Variants in SFMBT2 observed in about 807,000 individuals in gnomAD.
The protein encoded by SFMBT2 is scm-like with four MBT domains protein 2.
In SFMBT2, 38 loss-of-function variants were observed where a neutral mutation model predicts 110.1. That is an observed-to-expected ratio of 0.35 (90% CI 0.27 to 0.45). SFMBT2 has a LOEUF of 0.45. Ranked by LOEUF, SFMBT2 falls within the 20% of genes least tolerant of loss-of-function variation. The pLI is 1.00. For synonymous variants in SFMBT2, 425 were observed against 425.4 expected, an observed-to-expected ratio of 1.00 and a Z score of 0.01; for missense variants, 1,011 against 1,094.9, an observed-to-expected ratio of 0.92 and a Z score of 1.08.
At chr10:7,220,791 TCATTCTC>T (rs1839702496) in intron 10 of SFMBT2, among the ~76,000 whole-genome samples, 1 of 151,502 alleles carries the variant, frequency 6.6e-6, no homozygotes, top group African/African-American at 2.4e-5. Flanking sequence ...GAGTATGAAT[TCATTCTC>T]TTTCCAGTTC....
rs201719165 is a variant in SFMBT2, at chr10:7,368,195, CAACT to C, written c.196-310_196-307del. 3.0e-3 allele frequency: 1,183 copies of C among 392,180 alleles called. 22 individuals are homozygous for C. The highest frequency in any genetic ancestry group is 0.024 in the African/African-American group (1,098 of 45,976). The allele number at this position is 392,180 out of a possible 1,614,324, so 24.3% of individuals were successfully genotyped here. A position where few individuals can be genotyped will look rare whatever the true frequency, so the allele number is the denominator to read the frequency against. ...ATATAAAAAACATTAATGAAACAAC[CAACT>C]GTCTTCTTTTTGAATAAAGCCTCTA... is the stretch of plus-strand genomic sequence containing the variant. On this transcript the variant is annotated intron_variant, in intron 3 of 20. Transcript: ENST00000397167.
At chr10:7,200,356 C>T in intron 14 of SFMBT2, 58 bp downstream of exon 14, 1 of 1,353,140 alleles carries the variant, frequency 7.4e-7, no homozygotes, top group Non-Finnish European at 9.9e-7. Context: ...CTATACATGT[C>T]TCTGCTCCCG....
intron 12 of SFMBT2, chr10:7,203,969 G>A (rs35203021): frequency 0.039 from 7,484 of 193,876 alleles, 198 homozygotes; most frequent in Middle Eastern, 0.057. Flanking sequence ...CACCCGCCTC[G>A]GCCTCCCAAA....
chr10:7,394,004 T>C (rs1845852090), intron 1 of SFMBT2, among the ~76,000 whole-genome samples: 1 of 152,124 alleles, frequency 6.6e-6, no homozygotes, highest in African/African-American at 2.4e-5. Context: ...TATTGTGATT[T>C]TTTTTTTCTT....
In SFMBT2 at chr10:7,182,466, C is replaced by G. The variant is rs1289903788; in HGVS notation, c.1808+6158G>C. On this transcript the variant is annotated intron_variant, in intron 16 of 20. Coordinates refer to ENST00000397167, the MANE Select transcript of SFMBT2 (RefSeq NM_001387889.1). ...AGGGAGGATGTGTGAAAAGAACAAC[C>G]CAAATGTCCAACAATGATAGACTGG... is the stretch of plus-strand genomic sequence containing the variant. Among the ~76,000 whole-genome samples the G allele has an allele frequency of 3.3e-5, 5 of 152,094 alleles. No homozygotes were observed. In the East Asian group the frequency reaches 9.7e-4, roughly 29 times the overall value.
At chr10:7,214,839 T>C in intron 11 of SFMBT2, 1 of 833,176 alleles carries the variant, frequency 1.2e-6, no homozygotes, top group Non-Finnish European at 1.4e-6. Flanking sequence ...TCCATGCCTG[T>C]TTTAATTTAT....
intron 16 of SFMBT2, among the ~76,000 whole-genome samples, chr10:7,182,651 G>A (rs1020123497): frequency 1.5e-4 from 22 of 149,224 alleles, no homozygotes; most frequent in Non-Finnish European, 2.5e-4. Flanking sequence ...CTCACTCATA[G>A]GTGGGAATTG....
intron 1 of SFMBT2, among the ~76,000 whole-genome samples, chr10:7,383,151 C>T (rs978499869): frequency 2.6e-5 from 4 of 152,160 alleles, no homozygotes; most frequent in African/African-American, 9.7e-5. Flanking sequence ...TATTTTGTGA[C>T]TCACATAGTG....
chr10:7,378,140 GTGTA>G (rs1845304320), intron 2 of SFMBT2, among the ~76,000 whole-genome samples: 1 of 148,186 alleles, frequency 6.7e-6, no homozygotes, highest in African/African-American at 2.6e-5. Flanking sequence ...GTGGGTGTGA[GTGTA>G]TGGATGGGTG....
chr10:7,281,163 T>C (rs2131835262), intron 6 of SFMBT2, among the ~76,000 whole-genome samples: 1 of 152,272 alleles, frequency 6.6e-6, no homozygotes, highest in Admixed American at 6.5e-5. Context: ...GGAAGATCAC[T>C]TGAACCTGGG....
At chr10:7,395,641 A>C (rs1200353807) in intron 1 of SFMBT2, among the ~76,000 whole-genome samples, 1 of 148,340 alleles carries the variant, frequency 6.7e-6, no homozygotes, top group Admixed American at 6.7e-5. Context: ...CATCTGGGAT[A>C]TTTCCTCAAC....
chr10:7,322,385 G>A (rs1300606914), intron 4 of SFMBT2, among the ~76,000 whole-genome samples: 2 of 152,084 alleles, frequency 1.3e-5, no homozygotes, highest in African/African-American at 4.8e-5. Context: ...CTTCATAACA[G>A]TATGAAAGTG....
chr10:7,240,563 T>G (rs1015036865), intron 9 of SFMBT2, among the ~76,000 whole-genome samples: 1 of 152,230 alleles, frequency 6.6e-6, no homozygotes, highest in African/African-American at 2.4e-5. Flanking sequence ...AATAAAAGTT[T>G]AGCAAAATCC....
intron 2 of SFMBT2, among the ~76,000 whole-genome samples, chr10:7,372,054 G>C (rs562855447): frequency 3.3e-4 from 49 of 150,696 alleles, no homozygotes; most frequent in Non-Finnish European, 5.2e-4. Flanking sequence ...AGCCTCCTGA[G>C]TAGCTGGGAT....
At chr10:7,209,778 G>A (rs2131622329) in intron 11 of SFMBT2, among the ~76,000 whole-genome samples, 1 of 152,378 alleles carries the variant, frequency 6.6e-6, no homozygotes, top group East Asian at 1.9e-4. Context: ...CGGGGCACAG[G>A]AGTGGAGGGA....
At chr10:7,342,829 C>A (rs1280231699) in intron 4 of SFMBT2, among the ~76,000 whole-genome samples, 1 of 152,212 alleles carries the variant, frequency 6.6e-6, no homozygotes, top group Non-Finnish European at 1.5e-5. Flanking sequence ...TGAGCCAAAA[C>A]ATAAACCACT....
intron 4 of SFMBT2, among the ~76,000 whole-genome samples, chr10:7,350,484 G>C (rs1024781198): frequency 6.6e-6 from 1 of 152,186 alleles, no homozygotes; most frequent in East Asian, 1.9e-4. Flanking sequence ...CCACGCTTTA[G>C]TGCCATCTTG....
intron 1 of SFMBT2, among the ~76,000 whole-genome samples, chr10:7,387,996 A>G (rs1845662009): frequency 6.6e-6 from 1 of 151,684 alleles, no homozygotes; most frequent in Non-Finnish European, 1.5e-5. Flanking sequence ...AGGTACCAGC[A>G]GCAAACAGCA....
chr10:7,406,338 C>T (rs1846207857), intron 1 of SFMBT2, among the ~76,000 whole-genome samples: 1 of 151,736 alleles, frequency 6.6e-6, no homozygotes, highest in Non-Finnish European at 1.5e-5. Context: ...ATTTCCTTTA[C>T]GGACTTCTTA....
Sources: gnomAD v4.1 joint callset for allele counts (sites outside exome capture counted in the v4.1 genomes callset) on GRCh38, gnomAD v4.1.1 for gene constraint, MANE v1.5 for transcripts, NCBI Gene and HGNC (gene_info 2026-07-23, HGNC 2026-07-21) for gene names.